The following TMEM132B variants were observed in gnomAD, a reference collection of about 807,000 sequenced individuals.
TMEM132B encodes the protein transmembrane protein 132B.
A neutral mutation model predicts 90.8 loss-of-function variants in TMEM132B; 18 were observed. The ratio of observed to expected loss-of-function variants is 0.20; its 90% CI spans 0.14 to 0.29. The LOEUF is 0.29. Among genes scored for constraint, TMEM132B ranks in the 10% least tolerant of loss-of-function variants. The pLI is 1.00. For missense variants in TMEM132B, 1,096 were observed against 1,326.8 expected (o/e 0.83, Z 2.70); for synonymous variants, 504 against 523.3 (o/e 0.96, Z 0.50).
intron 1 of TMEM132B, among the ~76,000 whole-genome samples, chr12:125,271,836 G>GGTAT (rs1199010555): frequency 4.6e-5 from 7 of 151,736 alleles, no homozygotes; most frequent in African/African-American, 1.5e-4. Flanking sequence ...TCTGGCTATT[G>GGTAT]TAAAAAATTT....
chr12:125,270,558 G>T (rs1347291462), intron 1 of TMEM132B, among the ~76,000 whole-genome samples: 2 of 152,190 alleles, frequency 1.3e-5, no homozygotes, highest in African/African-American at 4.8e-5. Context: ...ATCCAAGGCT[G>T]CATGACCCAG....
At chr12:125,534,064 T>C (rs1459650456) in intron 4 of TMEM132B, among the ~76,000 whole-genome samples, 5 of 152,358 alleles carry the variant, frequency 3.3e-5, no homozygotes, top group Non-Finnish European at 7.3e-5. Context: ...AACTTCATAC[T>C]TCACGAAAAT....
intron 3 of TMEM132B, among the ~76,000 whole-genome samples, chr12:125,495,022 G>T (rs1291781998): frequency 9.9e-5 from 6 of 60,694 alleles, no homozygotes; most frequent in Non-Finnish European, 9.1e-5. Flanking sequence ...CTCCCTGGAA[G>T]AAATGGATGC....
intron 1 of TMEM132B, among the ~76,000 whole-genome samples, chr12:125,228,605 C>A (rs2136080246): frequency 6.6e-6 from 1 of 152,332 alleles, no homozygotes; most frequent in South Asian, 2.1e-4. Flanking sequence ...TGGACCTGTT[C>A]AGGCTTGTTA....
At chr12:125,528,394 C>T (rs1192873119) in intron 4 of TMEM132B, among the ~76,000 whole-genome samples, 1 of 152,210 alleles carries the variant, frequency 6.6e-6, no homozygotes, top group Non-Finnish European at 1.5e-5. Context: ...AGTTTCTAGG[C>T]AACTGGGCAC....
chr12:125,505,864 C>T (rs988941384), intron 3 of TMEM132B, among the ~76,000 whole-genome samples: 10 of 152,066 alleles, frequency 6.6e-5, no homozygotes, highest in African/African-American at 9.6e-5. Context: ...CCCTGTGTGA[C>T]GATAGGAAGT....
intron 5 of TMEM132B, among the ~76,000 whole-genome samples, chr12:125,627,224 A>T (rs534240847): frequency 1.2e-4 from 19 of 152,214 alleles, no homozygotes; most frequent in East Asian, 7.7e-4. Flanking sequence ...AGAGCCTTTA[A>T]CATATTCATC....
intron 1 of TMEM132B, among the ~76,000 whole-genome samples, chr12:125,236,256 G>A (rs1352579336): frequency 6.6e-6 from 1 of 150,858 alleles, no homozygotes; most frequent in Non-Finnish European, 1.5e-5. Flanking sequence ...AGTGATTCTT[G>A]TGCCTCAGCC....
At chr12:125,218,769 G>GTTTTTTTTTTTT (rs34905706) in intron 1 of TMEM132B, among the ~76,000 whole-genome samples, 1 of 108,854 alleles carries the variant, frequency 9.2e-6, no homozygotes. Context: ...TGTTGAAGCT[G>GTTTTTTTTTTTT]TTTTTTTTTT....
chr12:125,407,040 C>T lies in TMEM132B; in HGVS notation c.960-8491C>T, dbSNP rs910592367. On this transcript the variant is annotated intron_variant, in intron 2 of 8. Coordinates refer to ENST00000682704, the MANE Select transcript of TMEM132B (RefSeq NM_001366854.1). This position sits in a 1 kb window ranked among gnomAD's most constrained non-coding sequence, Gnocchi z 6.7. Reference sequence around the variant, plus strand: ...CAGAGTGCTGCCAACTGGGGGAGCTCACCCAAGCTTGGTGTCCAGAGCTTT... The same window carrying T: ...CAGAGTGCTGCCAACTGGGGGAGCTTACCCAAGCTTGGTGTCCAGAGCTTT... Among the ~76,000 whole-genome samples the T allele has an allele frequency of 6.6e-6, 1 of 152,162 alleles. No homozygotes were observed. Among genetic ancestry groups the T allele is most frequent in the Non-Finnish European group, 1.5e-5 (1 of 68,038 alleles).
intron 5 of TMEM132B, among the ~76,000 whole-genome samples, chr12:125,619,067 A>G (rs1371682348): frequency 6.6e-6 from 1 of 152,118 alleles, no homozygotes; most frequent in East Asian, 1.9e-4. Context: ...TGAGTTTTTG[A>G]TTGAGTTATC....
intron 5 of TMEM132B, among the ~76,000 whole-genome samples, chr12:125,625,591 T>C (rs556179912): frequency 4.2e-4 from 64 of 152,346 alleles, no homozygotes; most frequent in African/African-American, 1.5e-3. Flanking sequence ...TGTTTCTAAT[T>C]TTTGACACTT....
intron 4 of TMEM132B, among the ~76,000 whole-genome samples, chr12:125,541,516 T>A (rs1025791542): frequency 6.6e-6 from 1 of 152,086 alleles, no homozygotes; most frequent in Non-Finnish European, 1.5e-5. Flanking sequence ...CAAATAAATA[T>A]GGAAGAAATT....
intron 3 of TMEM132B, among the ~76,000 whole-genome samples, chr12:125,419,643 C>G (rs1432851355): frequency 6.6e-6 from 1 of 152,166 alleles, no homozygotes; most frequent in East Asian, 1.9e-4. Context: ...CCTGGCCCTT[C>G]CCAAATCTCG....
At chr12:125,548,395 T>G (rs1884141058) in intron 4 of TMEM132B, among the ~76,000 whole-genome samples, 1 of 130,948 alleles carries the variant, frequency 7.6e-6, no homozygotes, top group Admixed American at 8.4e-5. Flanking sequence ...ACAACTCTAC[T>G]TTTTTTTATT....
rs996057743 is a variant in TMEM132B at position 125,213,853 on chromosome 12, A to T, written c.67+26987A>T. Among the ~76,000 whole-genome samples, 2 of 152,260 alleles carry T rather than the reference A, an allele frequency of 1.3e-5. No homozygotes were observed. The highest frequency in any genetic ancestry group is 4.8e-5 in the African/African-American group (2 of 41,470). On this transcript the variant is annotated intron_variant, in intron 1 of 8. Coordinates refer to ENST00000682704, the MANE Select transcript of TMEM132B (RefSeq NM_001366854.1). The surrounding 1 kb of genome is among the most constrained non-coding windows in gnomAD (Gnocchi z 4.2). The stretch of plus-strand genomic sequence containing the variant: ...TTAGAATCTACTTTACAAAAATGGC[A>T]GATGCTAGGTTGCCACCAAATCTGT...
chr12:125,196,243 T>C (rs1028189483), intron 1 of TMEM132B, among the ~76,000 whole-genome samples: 2 of 152,238 alleles, frequency 1.3e-5, no homozygotes, highest in Non-Finnish European at 2.9e-5. Flanking sequence ...TACTATGTGC[T>C]CATTACTGTA....
intron 4 of TMEM132B, among the ~76,000 whole-genome samples, chr12:125,548,730 T>G (rs148972317): frequency 6.6e-6 from 1 of 152,278 alleles, no homozygotes; most frequent in African/African-American, 2.4e-5. Flanking sequence ...ACGGGAGGGT[T>G]TGAGCAGAGG....
At chr12:125,374,370 GT>G (rs1173560418) in intron 2 of TMEM132B, among the ~76,000 whole-genome samples, 1 of 152,182 alleles carries the variant, frequency 6.6e-6, no homozygotes, top group Non-Finnish European at 1.5e-5. Flanking sequence ...GAATTCTAAA[GT>G]ATCTGGATTC....
Sources: gnomAD v4.1 joint callset for allele counts (sites outside exome capture counted in the v4.1 genomes callset) on GRCh38, gnomAD v4.1.1 for gene constraint, Gnocchi (gnomAD v3.1) non-coding constraint, MANE v1.5 for transcripts, NCBI Gene and HGNC (gene_info 2026-07-23, HGNC 2026-07-21) for gene names.